Variants in KCTD1 observed in about 807,000 individuals in gnomAD.
The protein encoded by KCTD1 is potassium channel tetramerization domain containing 1.
KCTD1 carries 24 observed loss-of-function variants against 66.0 expected under a neutral mutation model. The observed-to-expected ratio is 0.36, with a 90% CI of 0.26 to 0.51. The LOEUF (loss-of-function observed/expected upper bound fraction) is 0.51. KCTD1 is among the 20% of genes least tolerant of loss of function. The pLI is 0.95. For missense variants in KCTD1, 943 were observed against 1,205.2 expected, an observed-to-expected ratio of 0.78 and a Z score of 3.22; for synonymous variants, 511 against 517.2, an observed-to-expected ratio of 0.99 and a Z score of 0.16.
chr18:26,538,958 T>C (rs373961204), intron 1 of KCTD1, among the ~76,000 whole-genome samples: 8 of 152,348 alleles, frequency 5.3e-5, no homozygotes, highest in Admixed American at 3.9e-4. Context: ...GAAACATTCT[T>C]TTTTGTGTCT....
At chr18:26,657,295 G>A (rs1257948306) in intron 1 of KCTD1, 2 of 980,402 alleles carry the variant, frequency 2.0e-6, no homozygotes, top group Non-Finnish European at 2.4e-6. Flanking sequence ...AAAGCGAGTT[G>A]CGCCCAAAGT....
At chr18:26,621,693 AATAGTATTGGTTAATACGG>A (rs1987389785) in intron 1 of KCTD1, among the ~76,000 whole-genome samples, 1 of 152,224 alleles carries the variant, frequency 6.6e-6, no homozygotes, top group Admixed American at 6.5e-5. Flanking sequence ...GTATTCTTTA[AATAGTATTGGTTAATACGG>A]AGTTGGTTTG....
intron 1 of KCTD1, among the ~76,000 whole-genome samples, chr18:26,583,435 A>G (rs893464518): frequency 2.0e-5 from 3 of 150,680 alleles, no homozygotes; most frequent in African/African-American, 2.4e-5. Flanking sequence ...AAAAGAAAAG[A>G]GTAAAAGTGA....
intron 1 of KCTD1, among the ~76,000 whole-genome samples, chr18:26,654,992 A>G (rs374223656): frequency 6.6e-6 from 1 of 152,360 alleles, no homozygotes; most frequent in African/African-American, 2.4e-5. Flanking sequence ...CCCATTATCC[A>G]GGAGACAAAC....
At chr18:26,639,324 C>T (rs113915620) in intron 1 of KCTD1, among the ~76,000 whole-genome samples, 22 of 152,196 alleles carry the variant, frequency 1.4e-4, no homozygotes, top group African/African-American at 4.6e-4. Flanking sequence ...TGGGAGGAGT[C>T]GCCAGTCTAT....
At chr18:26,600,250 T>A in intron 1 of KCTD1, 2 of 1,607,118 alleles carry the variant, frequency 1.2e-6, no homozygotes, top group Admixed American at 3.3e-5. Flanking sequence ...GGGTGATGCC[T>A]TCCGCTGTGC....
intron 1 of KCTD1, among the ~76,000 whole-genome samples, chr18:26,628,809 C>T (rs1987558139): frequency 6.6e-6 from 1 of 152,124 alleles, no homozygotes; most frequent in Non-Finnish European, 1.5e-5. Context: ...TTAAATTGGC[C>T]TCTCAACCAG....
At chr18:26,529,898 T>A (rs1005449813) in intron 1 of KCTD1, among the ~76,000 whole-genome samples, 2 of 152,202 alleles carry the variant, frequency 1.3e-5, no homozygotes, top group Non-Finnish European at 2.9e-5. Context: ...ATGTGCTATG[T>A]CCTAATAGTA....
At chr18:26,501,304 G>A in intron 1 of KCTD1, 54 bp from the exon 2 acceptor site, 2 of 1,450,664 alleles carry the variant, frequency 1.4e-6, no homozygotes, top group South Asian at 2.5e-5. Context: ...TAGAAAGATA[G>A]GAAATACATA....
At chr18:26,559,109 G>A (rs1985782208) in intron 1 of KCTD1, among the ~76,000 whole-genome samples, 1 of 152,094 alleles carries the variant, frequency 6.6e-6, no homozygotes, top group Non-Finnish European at 1.5e-5. Context: ...GGGAAGGGTA[G>A]TGGGGTGGTT....
chr18:26,656,365 T>A (rs895927820), intron 1 of KCTD1, among the ~76,000 whole-genome samples: 2 of 152,238 alleles, frequency 1.3e-5, no homozygotes, highest in East Asian at 1.9e-4. Flanking sequence ...ATCCGGAGCA[T>A]GTGCTGTGCC....
chr18:26,650,949 A>T (rs548219148), intron 1 of KCTD1, among the ~76,000 whole-genome samples: 2 of 152,348 alleles, frequency 1.3e-5, no homozygotes, highest in East Asian at 3.9e-4. Flanking sequence ...GTCGGCAGCA[A>T]GGGCTGAATT....
At position 26,651,800 on chromosome 18, in the gene KCTD1, AAGAAG is replaced by A. The variant is rs1215076688; in HGVS notation, c.9+5555_9+5559del. 1.2e-3 allele frequency among the ~76,000 whole-genome samples: 65 copies of A among 52,134 alleles called. No homozygotes were observed. The East Asian group carries it at 0.021, about 17-fold the overall frequency. 34.2% of individuals were successfully genotyped at this position (52,134 alleles called of 152,430 possible). ...CTCGGTCTCAAAAAAAAAAAAAAAAAAGAAGAAGAAGAAGAAGAAGAAGGTAAAGT... is the reference window on the plus strand; with the variant it reads ...CTCGGTCTCAAAAAAAAAAAAAAAAAAAGAAGAAGAAGAAGAAGGTAAAGT... On this transcript the variant is annotated intron_variant, in intron 1 of 4. Coordinates refer to the KCTD1 transcript ENST00000580191.
chr18:26,654,050 A>G (rs1235445143), intron 1 of KCTD1, among the ~76,000 whole-genome samples: 1 of 152,242 alleles, frequency 6.6e-6, no homozygotes. Flanking sequence ...TGCAAATGGG[A>G]AAAGACCTTA....
chr18:26,597,398 A>G (rs1986791128), intron 1 of KCTD1, among the ~76,000 whole-genome samples: 2 of 152,170 alleles, frequency 1.3e-5, no homozygotes, highest in South Asian at 4.1e-4. Context: ...GATTACATAC[A>G]GGGGCCTGAT....
At chr18:26,571,497 A>G (rs1986105286) in intron 1 of KCTD1, among the ~76,000 whole-genome samples, 1 of 152,232 alleles carries the variant, frequency 6.6e-6, no homozygotes, top group Non-Finnish European at 1.5e-5. Flanking sequence ...GTATTTGCAT[A>G]TCACCTACAC....
At chr18:26,505,701 T>C (rs1017938862) in intron 1 of KCTD1, among the ~76,000 whole-genome samples, 1 of 152,100 alleles carries the variant, frequency 6.6e-6, no homozygotes, top group African/African-American at 2.4e-5. Flanking sequence ...GGACTACAAG[T>C]GTGCACCACC....
intron 1 of KCTD1, among the ~76,000 whole-genome samples, chr18:26,514,164 A>G (rs1185754342): frequency 1.3e-5 from 2 of 152,216 alleles, no homozygotes; most frequent in Non-Finnish European, 2.9e-5. Context: ...ATATAAAGTG[A>G]TGCTTTTAAA....
chr18:26,656,846 G>A (rs1224384441), intron 1 of KCTD1, among the ~76,000 whole-genome samples: 1 of 149,100 alleles, frequency 6.7e-6, no homozygotes, highest in Non-Finnish European at 1.5e-5. Flanking sequence ...GTTTGCGGGC[G>A]CGGAGCTTTG....
Sources: allele counts gnomAD v4.1 joint callset (sites outside exome capture counted in the v4.1 genomes callset), GRCh38; gene constraint gnomAD v4.1.1; transcripts MANE v1.5; gene names NCBI Gene and HGNC (gene_info 2026-07-23, HGNC 2026-07-21).